CLASP1: variants seen among roughly 807,000 people sequenced by gnomAD.
CLASP1 encodes CLIP-associating protein 1.
CLASP1 carries 38 observed loss-of-function variants against 192.3 expected under a neutral mutation model. That is an observed-to-expected ratio of 0.20 (90% CI 0.15 to 0.26). The LOEUF (loss-of-function observed/expected upper bound fraction) is 0.26, where lower values mean the gene tolerates loss of function less well. Among genes scored for constraint, CLASP1 ranks in the 10% least tolerant of loss-of-function variants. The pLI is 1.00. For synonymous variants in CLASP1, 691 were observed against 712.8 expected (o/e 0.97, Z 0.49); for missense variants, 1,433 against 1,932.5 (o/e 0.74, Z 4.85).
chr2:121,500,384 G>GA (rs1471230922), intron 8 of CLASP1, among the ~76,000 whole-genome samples: 3 of 110,046 alleles, frequency 2.7e-5, no homozygotes, highest in African/African-American at 3.8e-5. Context: ...AAGAAAGAAA[G>GA]AAAGAAAGAA....
chr2:121,528,891 T>A, intron 3 of CLASP1, 111 bp from the exon 4 acceptor site: 1 of 802,700 alleles, frequency 1.2e-6, no homozygotes, highest in African/African-American at 1.7e-5. Context: ...CTAAATGATG[T>A]ATCTCATTCT....
At chr2:121,576,870 T>C (rs2060571704) in intron 2 of CLASP1, among the ~76,000 whole-genome samples, 1 of 152,120 alleles carries the variant, frequency 6.6e-6, no homozygotes. Flanking sequence ...TCACAGCTAA[T>C]AAATAATAGA....
chr2:121,376,812 C>T (rs1343730885), intron 34 of CLASP1, among the ~76,000 whole-genome samples: 1 of 152,112 alleles, frequency 6.6e-6, no homozygotes. Flanking sequence ...AGCGTCAACT[C>T]TATTATGAAC....
chr2:121,385,455 C>A (rs2072990095), intron 32 of CLASP1, among the ~76,000 whole-genome samples: 1 of 152,204 alleles, frequency 6.6e-6, no homozygotes, highest in East Asian at 1.9e-4. Flanking sequence ...ACTATAAATA[C>A]AAATTAAGAT....
rs1038017237 is a variant in CLASP1, at chr2:121,572,999, G to A, written c.195+32702C>T. Among the ~76,000 whole-genome samples, 4 of 152,114 alleles carry A rather than the reference G, an allele frequency of 2.6e-5. No homozygotes were observed. The East Asian group carries it at 5.8e-4, about 22-fold the overall frequency. Reference sequence around the variant, plus strand: ...TTTTAAGATGGAGTCTCGTCCTGTCGCCCAGGCTAGAGTGCAGTGGTACAA... The same window carrying A: ...TTTTAAGATGGAGTCTCGTCCTGTCACCCAGGCTAGAGTGCAGTGGTACAA... On this transcript the variant is annotated intron_variant, in intron 2 of 39. Transcript: ENST00000263710.
intron 18 of CLASP1, among the ~76,000 whole-genome samples, 178 bp from the exon 19 acceptor site, chr2:121,447,685 G>A (rs6761493): frequency 0.13 from 19,505 of 152,186 alleles, 1,715 homozygotes; most frequent in African/African-American, 0.24. Context: ...AGGCAATGCC[G>A]AAGGAAACTA....
intron 1 of CLASP1, among the ~76,000 whole-genome samples, chr2:121,610,540 G>A (rs2065159575): frequency 6.6e-6 from 1 of 151,212 alleles, no homozygotes; most frequent in Non-Finnish European, 1.5e-5. Context: ...ACAGGAGGAA[G>A]AGGAGCTGGA....
At chr2:121,478,098 G>A (rs370298541) in intron 8 of CLASP1, among the ~76,000 whole-genome samples, 3 of 151,884 alleles carry the variant, frequency 2.0e-5, no homozygotes, top group African/African-American at 7.3e-5. Flanking sequence ...AAATACTAGC[G>A]AACCAAATTC....
At chr2:121,500,123 G>C (rs1424254575) in intron 8 of CLASP1, among the ~76,000 whole-genome samples, 1 of 152,136 alleles carries the variant, frequency 6.6e-6, no homozygotes, top group Admixed American at 6.5e-5. Flanking sequence ...AATAAGTTCA[G>C]AAAGGTTGTA....
chr2:121,496,448 T>C (rs369778838), intron 8 of CLASP1, among the ~76,000 whole-genome samples: 9 of 152,188 alleles, frequency 5.9e-5, no homozygotes, highest in African/African-American at 1.4e-4. Flanking sequence ...CTCCAGCTCA[T>C]ATGCAACACT....
chr2:121,609,849 G>C (rs942870370), intron 1 of CLASP1, among the ~76,000 whole-genome samples: 15 of 152,192 alleles, frequency 9.9e-5, no homozygotes, highest in Non-Finnish European at 2.1e-4. Flanking sequence ...GCTGAGGCAG[G>C]AGAATCGCTT....
chr2:121,581,230 G>A (rs2061098597), intron 2 of CLASP1, among the ~76,000 whole-genome samples: 3 of 138,732 alleles, frequency 2.2e-5, no homozygotes, highest in South Asian at 4.7e-4. Flanking sequence ...CCCTAGAATC[G>A]TTTCTCTGCC....
chr2:121,352,137 G>A (rs1419678003), intron 37 of CLASP1, among the ~76,000 whole-genome samples: 1 of 152,240 alleles, frequency 6.6e-6, no homozygotes. Context: ...CTTCTTGTGG[G>A]TGGCCAGGAT....
At chr2:121,626,352 T>C (rs1423716565) in intron 1 of CLASP1, among the ~76,000 whole-genome samples, 1 of 152,200 alleles carries the variant, frequency 6.6e-6, no homozygotes, top group Non-Finnish European at 1.5e-5. Context: ...CACCAATAGT[T>C]TTAAATTTGG....
chr2:121,602,999 CAA>C (rs1378373097), intron 2 of CLASP1: 2 of 151,854 alleles, frequency 1.3e-5, no homozygotes, highest in Non-Finnish European at 2.9e-5. Context: ...AACCAAGAAA[CAA>C]GAGAGTAAAA....
intron 32 of CLASP1, among the ~76,000 whole-genome samples, chr2:121,384,067 T>TAC (rs201621935): frequency 2.9e-5 from 4 of 136,532 alleles, no homozygotes; most frequent in South Asian, 2.3e-4. Flanking sequence ...TATGTATATA[T>TAC]ACACACACAC....
chr2:121,565,688 C>A (rs193118438), intron 2 of CLASP1, among the ~76,000 whole-genome samples: 165 of 152,260 alleles, frequency 1.1e-3, no homozygotes, highest in Non-Finnish European at 1.9e-3. Flanking sequence ...AGCCTTTTTT[C>A]ACTAGGCCGC....
In CLASP1 at chr2:121,634,318, G is replaced by C. The variant is rs1257440864; in HGVS notation, c.-286+15054C>G. Reference sequence around the variant, plus strand: ...AGTTACACAGTTTGTTCAATCTCTAGTAATTACCTAGGATATACCCTAGAA... The same window carrying C: ...AGTTACACAGTTTGTTCAATCTCTACTAATTACCTAGGATATACCCTAGAA... On this transcript the variant is annotated intron_variant, in intron 1 of 39. Transcript: ENST00000263710. Among the ~76,000 whole-genome samples, 10 of 152,142 alleles carry C rather than the reference G, an allele frequency of 6.6e-5. No homozygotes were observed. In the East Asian group the frequency reaches 1.9e-3, roughly 29 times the overall value.
intron 1 of CLASP1, among the ~76,000 whole-genome samples, chr2:121,607,464 G>A (rs927777403): frequency 6.6e-6 from 1 of 152,216 alleles, no homozygotes; most frequent in African/African-American, 2.4e-5. Context: ...AATCATGTTT[G>A]AGTAGGGTAA....
Sources: allele counts gnomAD v4.1 joint callset (sites outside exome capture counted in the v4.1 genomes callset), GRCh38; gene constraint gnomAD v4.1.1; transcripts MANE v1.5; gene names NCBI Gene and HGNC (gene_info 2026-07-23, HGNC 2026-07-21).